The following ZCRB1 variants were observed in gnomAD, a reference collection of about 807,000 sequenced individuals.
The protein encoded by ZCRB1 is zinc finger CCHC-type and RNA-binding motif-containing protein 1.
A neutral mutation model predicts 29.9 loss-of-function variants in ZCRB1; 21 were observed. The ratio of observed to expected loss-of-function variants is 0.70; its 90% CI spans 0.50 to 1.01. The LOEUF is 1.01. Ranked by LOEUF, ZCRB1 falls within the 50% of genes least tolerant of loss-of-function variation. The probability of loss-of-function intolerance (pLI) is 0.00; values close to 1 mark genes in which losing one functional copy is unlikely to be tolerated. For missense variants in ZCRB1, 204 were observed against 253.3 expected, an observed-to-expected ratio of 0.81 and a Z score of 1.32; for synonymous variants, 77 against 80.0, an observed-to-expected ratio of 0.96 and a Z score of 0.20.
chr12:42,316,380 G>A (rs1198011680), intron 5 of ZCRB1, among the ~76,000 whole-genome samples: 8 of 152,120 alleles, frequency 5.3e-5, no homozygotes, highest in South Asian at 2.1e-4. Flanking sequence ...GATTACAGGC[G>A]TGAGCCACTG....
intron 2 of ZCRB1, chr12:42,323,637 C>A: frequency 6.6e-6 from 1 of 152,316 alleles, no homozygotes; most frequent in Non-Finnish European, 1.4e-5. Flanking sequence ...ATTTTTTTTT[C>A]TTTTTTTTTT....
Position 42,313,914 on chromosome 12 carries a change from T to C in ZCRB1, c.406A>G (p.Lys136Glu). 1 of 1,605,014 alleles carries C rather than the reference T, an allele frequency of 6.2e-7. No individual in the cohort carries two copies. The highest frequency in any genetic ancestry group is 8.5e-7 in the Non-Finnish European group (1 of 1,178,194). Reference sequence around the variant, plus strand: ...TCAGGAGCTTTCTTTTTTTTCTTTTTTTCTTTCTTCTTTGGAGGCTCACGT... The same window carrying C: ...TCAGGAGCTTTCTTTTTTTTCTTTTCTTCTTTCTTCTTTGGAGGCTCACGT... ...GEREPPKKKE[K>E]KKKKKAPEPE... The change falls in exon 6 of 8, where the codon AAA becomes GAA. Residue 136 changes from lysine to glutamate, a missense_variant. Transcript: ENST00000266529.
At chr12:42,316,151 G>C (rs1442105118) in intron 5 of ZCRB1, among the ~76,000 whole-genome samples, 1 of 152,124 alleles carries the variant, frequency 6.6e-6, no homozygotes, top group African/African-American at 2.4e-5. Context: ...CTGGAGTGCA[G>C]TGGAGTAATC....
intron 3 of ZCRB1, among the ~76,000 whole-genome samples, chr12:42,321,153 C>A (rs73285617): frequency 0.039 from 5,877 of 152,310 alleles, 402 homozygotes; most frequent in African/African-American, 0.13. Flanking sequence ...CCCTGGCTCT[C>A]TAGACTAGAT....
chr12:42,325,264 T>A (rs907278442), intron 1 of ZCRB1: 5 of 152,076 alleles, frequency 3.3e-5, no homozygotes, highest in Non-Finnish European at 7.4e-5. Flanking sequence ...TGTCTTAATA[T>A]TTTTTTTCTC....
chr12:42,313,320 AG>A lies in ZCRB1; in HGVS notation c.523-123del, dbSNP rs370025976. ...TACTTCCCACCCTCCCAGTCCATGC[AG>A]ACAATAAGATCTGCTCCCTTCCCCT... On this transcript the variant is annotated intron_variant, in intron 7 of 7. Coordinates refer to ENST00000266529, the MANE Select transcript of ZCRB1 (RefSeq NM_033114.4). 2.8e-4 allele frequency: 299 copies of A among 1,063,534 alleles called. No individual in the cohort carries two copies. The African/African-American group carries it at 4.1e-3, about 15-fold the overall frequency. The allele number at this position is 1,063,534 out of a possible 1,614,324, so 65.9% of individuals were successfully genotyped here.
intron 7 of ZCRB1, 142 bp from the exon 8 acceptor site, chr12:42,313,340 T>C: frequency 3.5e-6 from 3 of 854,510 alleles, no homozygotes; most frequent in Non-Finnish European, 5.1e-6. Flanking sequence ...ATCTGCTCCC[T>C]TCCCCTGAGT....
rs113176268 is a variant in ZCRB1 at position 42,317,889 on chromosome 12, G to T, written c.123C>A (p.Ile41=). 3,645 of 1,612,648 alleles carry T rather than the reference G, an allele frequency of 2.3e-3. 89 individuals carry two copies. The African/African-American group carries it at 0.044, about 19-fold the overall frequency. The change falls in exon 4 of 8, where the codon ATC becomes ATA. Residue 41 remains isoleucine, a synonymous_variant. Transcript: ENST00000266529. ...SKYGKVVKVT[I]MKDKDTRKSK... Reference sequence around the variant, plus strand: ...TCTTCCTGGTATCTTTATCTTTCATGATGGTAACCCTTAAAGCATAAACAA... The same window carrying T: ...TCTTCCTGGTATCTTTATCTTTCATTATGGTAACCCTTAAAGCATAAACAA...
At position 42,322,462 on chromosome 12, in the gene ZCRB1, A is replaced by G. The variant is rs375775517; in HGVS notation, c.85-16T>C. The G allele has an allele frequency of 1.4e-6, 2 of 1,477,526 alleles. No homozygotes were observed. Among genetic ancestry groups the G allele is most frequent in the East Asian group, 4.9e-5 (2 of 40,990 alleles). The allele number at this position is 1,477,526 out of a possible 1,614,324, so 91.5% of individuals were successfully genotyped here. A position where few individuals can be genotyped will look rare whatever the true frequency, so the allele number is the denominator to read the frequency against. ...TGGAAAATATCTGAAACAAAAGACC[A>G]AATATTTACAATTTATTTTAAAATC... On this transcript the variant is annotated splice_polypyrimidine_tract_variant and intron_variant, in intron 2 of 7. Transcript: ENST00000266529.
intron 1 of ZCRB1, among the ~76,000 whole-genome samples, chr12:42,324,961 A>C (rs2068671653): frequency 6.6e-6 from 1 of 152,218 alleles, no homozygotes; most frequent in African/African-American, 2.4e-5. Flanking sequence ...GTATGTTCTG[A>C]GTGTTACGTG....
At chr12:42,324,128 A>T (rs768530586) in intron 1 of ZCRB1, 24 bp from the exon 2 acceptor site, 1 of 1,599,584 alleles carries the variant, frequency 6.3e-7, no homozygotes, top group South Asian at 1.1e-5. Context: ...CAAACTTATC[A>T]GCAATCAGTC....
chr12:42,317,756 C>G, intron 4 of ZCRB1, 31 bp downstream of exon 4: 1 of 1,601,856 alleles, frequency 6.2e-7, no homozygotes, highest in South Asian at 1.1e-5. Context: ...GGCTTTGGGG[C>G]TAAAAACCTT....
chr12:42,314,968 A>C (rs1199644571), intron 5 of ZCRB1, among the ~76,000 whole-genome samples: 2 of 152,142 alleles, frequency 1.3e-5, no homozygotes, highest in African/African-American at 4.8e-5. Context: ...CAAACAAAAA[A>C]CCAAAAAACA....
At chr12:42,315,219 C>T (rs1275002878) in intron 5 of ZCRB1, among the ~76,000 whole-genome samples, 2 of 152,154 alleles carry the variant, frequency 1.3e-5, no homozygotes, top group African/African-American at 4.8e-5. Flanking sequence ...GCTATTATTC[C>T]TACTTAGCTA....
Position 42,317,573 on chromosome 12 carries a change from G to A in ZCRB1, c.226-126C>T, listed in dbSNP as rs894935210. ...ATTTTTTAGCAATTGTCACTTAGGTGTGATAAATTCTATTCTGTAGTATTC... is the reference window on the plus strand; with the variant it reads ...ATTTTTTAGCAATTGTCACTTAGGTATGATAAATTCTATTCTGTAGTATTC... On this transcript the variant is annotated intron_variant, in intron 4 of 7. Transcript: ENST00000266529. The A allele has an allele frequency of 5.7e-6, 5 of 870,720 alleles. No homozygotes were observed. The African/African-American group carries it at 6.8e-5, about 12-fold the overall frequency. The allele number at this position is 870,720 out of a possible 1,614,324, so 53.9% of individuals were successfully genotyped here.
intron 2 of ZCRB1, chr12:42,323,662 C>A: frequency 5.5e-6 from 1 of 182,446 alleles, no homozygotes; most frequent in Non-Finnish European, 1.1e-5. Flanking sequence ...GACAGGGTCT[C>A]ATTCTGTCAC....
rs375869339 is a variant in ZCRB1 at position 42,317,773 on chromosome 12, G to A, written c.225+14C>T. Reference sequence around the variant, plus strand: ...CTTTGGGGCTAAAAACCTTGATGGAGATGAATAGCTTACCTGTTTGTTGTT... The same window carrying A: ...CTTTGGGGCTAAAAACCTTGATGGAAATGAATAGCTTACCTGTTTGTTGTT... On this transcript the variant is annotated intron_variant, in intron 4 of 7. Transcript: ENST00000266529. 16 of 1,609,086 alleles carry A rather than the reference G, an allele frequency of 9.9e-6. No homozygotes were observed. The highest frequency in any genetic ancestry group is 1.4e-5 in the Non-Finnish European group (16 of 1,177,566).
intron 1 of ZCRB1, chr12:42,325,653 C>A (rs2068702614): frequency 6.6e-6 from 1 of 152,018 alleles, no homozygotes; most frequent in African/African-American, 2.4e-5. Context: ...CTATGGCATG[C>A]CAATTCGTGA....
intron 5 of ZCRB1, among the ~76,000 whole-genome samples, 196 bp downstream of exon 5, chr12:42,317,144 G>A (rs1353577225): frequency 6.6e-6 from 1 of 152,178 alleles, no homozygotes; most frequent in Non-Finnish European, 1.5e-5. Context: ...GGAGGTAGAG[G>A]CTGCAGTGAG....
Sources: gnomAD v4.1 joint callset for allele counts (sites outside exome capture counted in the v4.1 genomes callset) on GRCh38, gnomAD v4.1.1 for gene constraint, MANE v1.5 for transcripts, NCBI Gene and HGNC (gene_info 2026-07-23, HGNC 2026-07-21) for gene names.